PDE4D: variants seen among roughly 807,000 people sequenced by gnomAD.
The protein encoded by PDE4D is phosphodiesterase 4D, also known as 3',5'-cyclic-AMP phosphodiesterase 4D.
Under a neutral mutation model 87.4 loss-of-function variants are expected in PDE4D, and 24 were observed. That is an observed-to-expected ratio of 0.27 (90% confidence interval 0.20 to 0.39). The LOEUF is 0.39. PDE4D is among the 10% of genes least tolerant of loss of function. The probability of loss-of-function intolerance (pLI) is 1.00; values close to 1 mark genes in which losing one functional copy is unlikely to be tolerated. For missense variants in PDE4D, 714 were observed against 1,041.0 expected, an observed-to-expected ratio of 0.69 and a Z score of 4.32; for synonymous variants, 384 against 383.2, an observed-to-expected ratio of 1.00 and a Z score of -0.02.
chr5:59,510,208 T>A (rs1382995652), intron 1 of PDE4D, among the ~76,000 whole-genome samples: 1 of 151,052 alleles, frequency 6.6e-6, no homozygotes, highest in Non-Finnish European at 1.5e-5. Context: ...ATAAATATAT[T>A]ATGCATCAAA....
chr5:59,989,087 CATATATATATATAT>C (rs541522751), intron 2 of PDE4D, among the ~76,000 whole-genome samples: 3 of 100,436 alleles, frequency 3.0e-5, no homozygotes, highest in African/African-American at 1.0e-4. Flanking sequence ...ATGCATGTGT[CATATATATATATAT>C]ATATATATAT....
At chr5:60,075,887 GT>G (rs1773231783) in intron 2 of PDE4D, among the ~76,000 whole-genome samples, 1 of 152,074 alleles carries the variant, frequency 6.6e-6, no homozygotes, top group Admixed American at 6.5e-5. Context: ...TCTATACTGA[GT>G]GTTTTGTTTG....
chr5:59,668,403 C>A (rs73758841), intron 1 of PDE4D, among the ~76,000 whole-genome samples: 1,634 of 152,234 alleles, frequency 0.011, 24 homozygotes, highest in African/African-American at 0.038. Flanking sequence ...ATGGTCAATA[C>A]TATGACTTAT....
At chr5:59,179,185 C>A (rs1470123478) in intron 5 of PDE4D, among the ~76,000 whole-genome samples, 3 of 152,188 alleles carry the variant, frequency 2.0e-5, no homozygotes, top group South Asian at 2.1e-4. Context: ...CGGCTCACTG[C>A]AACCTCTGCC....
At chr5:60,086,497 T>C (rs2136203) in intron 2 of PDE4D, among the ~76,000 whole-genome samples, 43,349 of 150,492 alleles carry the variant, frequency 0.29, 6,971 homozygotes, top group East Asian at 0.74. Context: ...TCCCATTCAG[T>C]AGAGAGAGTC....
intron 1 of PDE4D, among the ~76,000 whole-genome samples, chr5:60,430,542 TTTG>T (rs1744142544): frequency 2.6e-5 from 2 of 76,998 alleles, no homozygotes; most frequent in African/African-American, 5.4e-5. Context: ...TTTGTTTTTT[TTTG>T]TTTGTTTTTT....
intron 3 of PDE4D, among the ~76,000 whole-genome samples, chr5:59,940,326 G>A (rs1186636435): frequency 1.3e-5 from 2 of 152,164 alleles, no homozygotes; most frequent in Non-Finnish European, 2.9e-5. Flanking sequence ...TCTGGCTACA[G>A]TGTAGAGATT....
intron 1 of PDE4D, among the ~76,000 whole-genome samples, chr5:60,266,441 A>C (rs1457230179): frequency 6.6e-6 from 1 of 152,200 alleles, no homozygotes; most frequent in Non-Finnish European, 1.5e-5. Flanking sequence ...CAAATAGATA[A>C]GTGCTGGTGG....
intron 1 of PDE4D, among the ~76,000 whole-genome samples, chr5:60,511,980 A>G (rs1583964956): frequency 6.6e-6 from 1 of 152,200 alleles, no homozygotes; most frequent in Admixed American, 6.5e-5. Context: ...CAATATGCTC[A>G]GTAGGAAGGT....
chr5:60,455,864 G>A (rs550491898), intron 1 of PDE4D, among the ~76,000 whole-genome samples: 49 of 152,246 alleles, frequency 3.2e-4, no homozygotes, highest in African/African-American at 1.0e-3. Context: ...CCTGCACTTC[G>A]TAGTCAATGT....
chr5:59,091,594 T>C (rs1768743931), intron 5 of PDE4D, among the ~76,000 whole-genome samples: 1 of 152,060 alleles, frequency 6.6e-6, no homozygotes, highest in Non-Finnish European at 1.5e-5. Flanking sequence ...AATTGAACTG[T>C]TGTTTTGGCA....
intron 1 of PDE4D, among the ~76,000 whole-genome samples, chr5:59,829,222 T>C (rs184061853): frequency 2.3e-4 from 35 of 152,116 alleles, no homozygotes; most frequent in African/African-American, 8.4e-4. Context: ...GAAAACACTT[T>C]TTTTGTGAAA....
rs1409799966 is a variant in PDE4D at position 59,395,870 on chromosome 5, T to C, written c.456-179902A>G. Among the ~76,000 whole-genome samples the C allele has an allele frequency of 1.7e-5, 2 of 117,788 alleles. 1 individual carries two copies. 77.3% of individuals were successfully genotyped at this position (117,788 alleles called of 152,430 possible). On this transcript the variant is annotated intron_variant, in intron 1 of 14. Coordinates refer to ENST00000340635, the MANE Select transcript of PDE4D (RefSeq NM_001104631.2). The stretch of plus-strand genomic sequence containing the variant: ...AAGAATGTATAACTAGAATAACCAA[T>C]ACAGAGAAGTGCTTAAAGGAGCTGA...
At chr5:59,214,079 A>ACACACACACAC (rs1561725422) in intron 2 of PDE4D, among the ~76,000 whole-genome samples, 4 of 123,680 alleles carry the variant, frequency 3.2e-5, no homozygotes, top group African/African-American at 1.3e-4. Flanking sequence ...CACACACACA[A>ACACACACACAC]CCATTCTATA....
chr5:59,316,749 A>T (rs530938741), intron 1 of PDE4D, among the ~76,000 whole-genome samples: 1 of 152,324 alleles, frequency 6.6e-6, no homozygotes, highest in Non-Finnish European at 1.5e-5. Flanking sequence ...GTTTTCACCA[A>T]ATGTAGTTGA....
intron 5 of PDE4D, among the ~76,000 whole-genome samples, chr5:59,101,426 A>G (rs1770718107): frequency 6.6e-6 from 1 of 152,172 alleles, no homozygotes; most frequent in Non-Finnish European, 1.5e-5. Context: ...CTCTTTCTCC[A>G]AAGAAAAAGA....
At chr5:59,368,454 CAT>C (rs988359616) in intron 1 of PDE4D, among the ~76,000 whole-genome samples, 1 of 152,132 alleles carries the variant, frequency 6.6e-6, no homozygotes, top group Non-Finnish European at 1.5e-5. Flanking sequence ...CCTGAAATTT[CAT>C]ATGATAGTCA....
intron 1 of PDE4D, among the ~76,000 whole-genome samples, chr5:60,224,278 A>T (rs1036093960): frequency 1.3e-5 from 2 of 151,828 alleles, no homozygotes; most frequent in Non-Finnish European, 2.9e-5. Flanking sequence ...AAGTTAGACA[A>T]CTCTGTCTAT....
intron 1 of PDE4D, among the ~76,000 whole-genome samples, chr5:59,705,779 G>C (rs540126669): frequency 2.4e-4 from 36 of 152,096 alleles, no homozygotes; most frequent in Non-Finnish European, 1.8e-4. Context: ...AATAGTTTGA[G>C]GGAATCATGC....
Sources: gnomAD v4.1 joint callset for allele counts (sites outside exome capture counted in the v4.1 genomes callset) on GRCh38, gnomAD v4.1.1 for gene constraint, MANE v1.5 for transcripts, NCBI Gene and HGNC (gene_info 2026-07-23, HGNC 2026-07-21) for gene names.